NAV2: variants seen among roughly 807,000 people sequenced by gnomAD.
NAV2 encodes helicase, APC down-regulated 1.
A neutral mutation model predicts 223.2 loss-of-function variants in NAV2; 54 were observed. That is an observed-to-expected ratio of 0.24 (90% CI 0.19 to 0.30). NAV2 has a LOEUF of 0.30. Among genes scored for constraint, NAV2 ranks in the 10% least tolerant of loss-of-function variants. NAV2 has a pLI of 1.00. For missense variants in NAV2, 2,806 were observed against 3,147.5 expected (o/e 0.89, Z 2.60); for synonymous variants, 1,279 against 1,239.3 (o/e 1.03, Z -0.67).
intron 11 of NAV2, among the ~76,000 whole-genome samples, chr11:20,012,624 G>A (rs901998550): frequency 1.9e-4 from 29 of 149,418 alleles, no homozygotes; most frequent in African/African-American, 6.4e-4. Context: ...GCAGTGAGCC[G>A]AGATTGTGCC....
intron 3 of NAV2, among the ~76,000 whole-genome samples, chr11:19,861,161 C>T (rs1159186465): frequency 6.6e-6 from 1 of 151,948 alleles, no homozygotes; most frequent in Non-Finnish European, 1.5e-5. Flanking sequence ...GATATTGTCA[C>T]CTAATAATTG....
intron 1 of NAV2, among the ~76,000 whole-genome samples, chr11:19,605,536 A>T (rs1250995458): frequency 2.0e-4 from 26 of 127,874 alleles, no homozygotes; most frequent in East Asian, 4.1e-4. Context: ...AATATTATTT[A>T]AAAAAAAAAA....
At chr11:19,990,421 C>T (rs181062786) in intron 11 of NAV2, among the ~76,000 whole-genome samples, 19 of 152,240 alleles carry the variant, frequency 1.2e-4, no homozygotes, top group Admixed American at 1.1e-3. Context: ...CTACATGGAC[C>T]CTTAAGCAAT....
intron 1 of NAV2, chr11:19,777,603 GC>G (rs2056363296): frequency 1.1e-5 from 5 of 444,360 alleles, no homozygotes; most frequent in Non-Finnish European, 2.3e-5. Flanking sequence ...TTAGGAACTG[GC>G]CCGGGTGGTG....
chr11:19,623,593 C>T (rs1238158365), intron 1 of NAV2, among the ~76,000 whole-genome samples: 1 of 152,214 alleles, frequency 6.6e-6, no homozygotes, highest in Non-Finnish European at 1.5e-5. Flanking sequence ...ACATAGTTCT[C>T]ATGCCATGGT....
chr11:19,518,592 A>T (rs1030543054), intron 1 of NAV2: 1 of 152,200 alleles, frequency 6.6e-6, no homozygotes, highest in African/African-American at 2.4e-5. Context: ...CTTTTCCTTC[A>T]CAGCTGTAAT....
intron 1 of NAV2, among the ~76,000 whole-genome samples, chr11:19,620,706 A>G (rs1270332463): frequency 6.6e-6 from 1 of 152,200 alleles, no homozygotes; most frequent in Admixed American, 6.5e-5. Context: ...TCATCTCCAA[A>G]CAGGGACAAT....
chr11:19,976,607 T>C (rs1404494680), intron 10 of NAV2, among the ~76,000 whole-genome samples: 2 of 152,168 alleles, frequency 1.3e-5, no homozygotes, highest in African/African-American at 4.8e-5. Flanking sequence ...CCCAGTGAGG[T>C]GTGCTCTGTT....
chr11:19,708,810 C>A (rs1437532518), upstream of NAV2, among the ~76,000 whole-genome samples: 1 of 149,146 alleles, frequency 6.7e-6, no homozygotes, highest in Non-Finnish European at 1.5e-5. Flanking sequence ...AAGTTCTGAG[C>A]CAGAAGAAAA....
intron 2 of NAV2, among the ~76,000 whole-genome samples, chr11:19,836,618 T>A (rs2060253565): frequency 6.6e-6 from 1 of 151,174 alleles, no homozygotes; most frequent in African/African-American, 2.4e-5. Flanking sequence ...CTATAAAAAG[T>A]AGTCAACAAC....
rs1008769795 is a variant in NAV2, at chr11:20,048,836, C to A, written c.4011C>A (p.Asn1337Lys). The change falls in exon 15 of 38, where the codon AAC (asparagine) becomes AAA (lysine). Residue 1337 changes from asparagine (N) to lysine (K), a missense_variant. Physicochemically the swap from Asn to Lys is moderately conservative, Grantham distance 94. Coordinates refer to ENST00000349880, the MANE Select transcript of NAV2 (RefSeq NM_145117.5). ...NPHATMTQQG[N>K]LDSPSGSGVL... ...ATGCCACCATGACTCAGCAAGGTAA[C>A]CTAGACTCCCCGTCAGGCAGTGGCG... 1.9e-6 allele frequency: 3 copies of A among 1,614,150 alleles called. No homozygotes were observed. Among genetic ancestry groups the A allele is most frequent in the Non-Finnish European group, 2.5e-6 (3 of 1,180,014 alleles).
In NAV2 at chr11:19,953,858, C is replaced by CGTGTGTGT. The variant is rs373382653; in HGVS notation, c.2645+4795_2645+4802dup. On this transcript the variant is annotated intron_variant, in intron 10 of 37. Transcript: ENST00000349880. ...TGCACAAGAAATGTGCACGCGCGCG[C>CGTGTGTGT]GTGTGTGTGTGTGTGTGTGTGTGTC... 4.5e-3 allele frequency among the ~76,000 whole-genome samples: 674 copies of CGTGTGTGT among 150,622 alleles called. 7 individuals are homozygous for CGTGTGTGT. The highest frequency in any genetic ancestry group is 0.015 in the African/African-American group (628 of 41,010).
At chr11:19,683,672 G>C (rs1389961478) in intron 1 of NAV2, among the ~76,000 whole-genome samples, 1 of 152,236 alleles carries the variant, frequency 6.6e-6, no homozygotes, top group Non-Finnish European at 1.5e-5. Context: ...ATCCAGAAAG[G>C]CTGGGCTTCC....
At chr11:19,992,027 G>C (rs947925066) in intron 11 of NAV2, among the ~76,000 whole-genome samples, 1 of 152,180 alleles carries the variant, frequency 6.6e-6, no homozygotes, top group Non-Finnish European at 1.5e-5. Flanking sequence ...ATTGTCTTGG[G>C]ATGAGAAGAT....
At chr11:19,988,993 C>T (rs552085868) in intron 11 of NAV2, among the ~76,000 whole-genome samples, 1 of 152,330 alleles carries the variant, frequency 6.6e-6, no homozygotes, top group South Asian at 2.1e-4. Context: ...AGGTCCCCAA[C>T]AAGCCAGTTA....
At chr11:19,752,735 T>G (rs1313456073) in intron 1 of NAV2, among the ~76,000 whole-genome samples, 1 of 152,184 alleles carries the variant, frequency 6.6e-6, no homozygotes, top group Admixed American at 6.5e-5. Context: ...TTGTTTCCAG[T>G]TGTATATTAT....
At chr11:19,708,578 G>C (rs1233151729), upstream of NAV2, among the ~76,000 whole-genome samples, 2 of 152,090 alleles carry the variant, frequency 1.3e-5, no homozygotes, top group Non-Finnish European at 2.9e-5. Flanking sequence ...ATGGGTTGAT[G>C]GAACTGGTCA....
chr11:19,677,627 G>A (rs997478787), intron 1 of NAV2, among the ~76,000 whole-genome samples: 15 of 152,248 alleles, frequency 9.9e-5, no homozygotes, highest in Non-Finnish European at 2.2e-4. Context: ...ATTAGGTTCA[G>A]GGAAGGAAAG....
Position 19,794,678 on chromosome 11 carries a change from C to A in NAV2, c.268-37806C>A, listed in dbSNP as rs111623202. On this transcript the variant is annotated intron_variant, in intron 1 of 37. Coordinates refer to ENST00000349880, the MANE Select transcript of NAV2 (RefSeq NM_145117.5). ...TTTGTTCCTAATCTTTCCTGTTATG[C>A]CCTCTTGTGATGGGTTTAGGGGGAG... Among the ~76,000 whole-genome samples the A allele has an allele frequency of 2.2e-3, 339 of 152,138 alleles. 2 individuals are homozygous for A. The highest frequency in any genetic ancestry group is 7.7e-3 in the African/African-American group (318 of 41,480).
Sources: allele counts gnomAD v4.1 joint callset (sites outside exome capture counted in the v4.1 genomes callset), GRCh38; gene constraint gnomAD v4.1.1; transcripts MANE v1.5; gene names NCBI Gene and HGNC (gene_info 2026-07-23, HGNC 2026-07-21).